The following CDH18 variants were observed in gnomAD, a reference collection of about 807,000 sequenced individuals.
CDH18 encodes cadherin 18, also known as cadherin-18.
In CDH18, 31 loss-of-function variants were observed where a neutral mutation model predicts 67.9. The ratio of observed to expected loss-of-function variants is 0.46; its 90% CI spans 0.34 to 0.62. CDH18 has a LOEUF of 0.62. Ranked by LOEUF, CDH18 falls within the 20% of genes least tolerant of loss-of-function variation. CDH18 has a pLI of 0.01. For missense variants in CDH18, 890 were observed against 975.5 expected (o/e 0.91, Z 1.17); for synonymous variants, 362 against 347.2 (o/e 1.04, Z -0.48).
At chr5:20,179,573 G>A (rs1737518314) in intron 2 of CDH18, among the ~76,000 whole-genome samples, 1 of 152,100 alleles carries the variant, frequency 6.6e-6, no homozygotes, top group African/African-American at 2.4e-5. Context: ...CTTGAAACAG[G>A]GACTGATATA....
intron 2 of CDH18, among the ~76,000 whole-genome samples, chr5:19,913,738 C>G (rs1192591993): frequency 6.6e-6 from 1 of 152,098 alleles, no homozygotes; most frequent in Non-Finnish European, 1.5e-5. Flanking sequence ...GCCCAGAAGT[C>G]TGAAACTCTA....
At chr5:20,056,075 G>A (rs1444329619) in intron 2 of CDH18, among the ~76,000 whole-genome samples, 1 of 138,560 alleles carries the variant, frequency 7.2e-6, no homozygotes, top group African/African-American at 2.7e-5. Context: ...CACCATCTTG[G>A]CTCACTATAA....
At chr5:19,477,385 T>C (rs1738654418) in intron 12 of CDH18, among the ~76,000 whole-genome samples, 1 of 151,390 alleles carries the variant, frequency 6.6e-6, no homozygotes, top group Non-Finnish European at 1.5e-5. Flanking sequence ...CATAAACAAT[T>C]ATCATGTGGA....
intron 1 of CDH18, among the ~76,000 whole-genome samples, chr5:20,540,491 G>A (rs1756994233): frequency 6.6e-6 from 1 of 152,134 alleles, no homozygotes; most frequent in Non-Finnish European, 1.5e-5. Flanking sequence ...TATATATGAT[G>A]TAATAAAACT....
intron 3 of CDH18, among the ~76,000 whole-genome samples, chr5:19,792,023 C>A (rs1209619331): frequency 1.3e-5 from 2 of 152,004 alleles, no homozygotes; most frequent in Non-Finnish European, 2.9e-5. Flanking sequence ...AAGCAGTAAC[C>A]TGTTAGGTTT....
At chr5:19,955,547 C>T (rs1335660300) in intron 2 of CDH18, among the ~76,000 whole-genome samples, 1 of 151,948 alleles carries the variant, frequency 6.6e-6, no homozygotes, top group Admixed American at 6.6e-5. Flanking sequence ...ATTAAGAGGA[C>T]AGTTAAAAGA....
chr5:20,270,170 A>G (rs1034435798), intron 1 of CDH18, among the ~76,000 whole-genome samples: 1 of 152,070 alleles, frequency 6.6e-6, no homozygotes, highest in African/African-American at 2.4e-5. Context: ...AAAAAAAAAG[A>G]ATAAAGACAT....
At chr5:20,541,331 T>C (rs916187351) in intron 1 of CDH18, among the ~76,000 whole-genome samples, 1 of 152,158 alleles carries the variant, frequency 6.6e-6, no homozygotes, top group Non-Finnish European at 1.5e-5. Context: ...GCCTTAGACA[T>C]TAAACTATGT....
chr5:19,683,562 T>C (rs1760640424), intron 5 of CDH18, among the ~76,000 whole-genome samples: 1 of 152,092 alleles, frequency 6.6e-6, no homozygotes, highest in African/African-American at 2.4e-5. Context: ...TCAACCTTAC[T>C]TGTTTTGTGA....
At chr5:20,276,131 G>A (rs151117258) in intron 1 of CDH18, among the ~76,000 whole-genome samples, 1 of 152,288 alleles carries the variant, frequency 6.6e-6, no homozygotes, top group East Asian at 1.9e-4. Context: ...AATTCATGGG[G>A]CAAATCCTGC....
chr5:19,587,594 T>G (rs768356788), intron 7 of CDH18, among the ~76,000 whole-genome samples: 2 of 152,048 alleles, frequency 1.3e-5, no homozygotes, highest in Admixed American at 6.6e-5. Context: ...AAAGATCAGA[T>G]AGTGGTAAGT....
intron 1 of CDH18, among the ~76,000 whole-genome samples, chr5:20,344,233 A>G (rs1740518896): frequency 6.6e-6 from 1 of 152,116 alleles, no homozygotes; most frequent in Non-Finnish European, 1.5e-5. Context: ...TCAGGTGAAA[A>G]TCTGCTAAAT....
chr5:19,814,284 T>C (rs543711687), intron 3 of CDH18, among the ~76,000 whole-genome samples: 36 of 152,112 alleles, frequency 2.4e-4, no homozygotes, highest in Non-Finnish European at 4.9e-4. Context: ...TAACGAATAT[T>C]ACTCCCACAC....
At chr5:20,474,374 C>G (rs994267931) in intron 1 of CDH18, among the ~76,000 whole-genome samples, 1 of 152,174 alleles carries the variant, frequency 6.6e-6, no homozygotes, top group Non-Finnish European at 1.5e-5. Context: ...GCTCCAATCA[C>G]TTCCTCTAAG....
At chr5:20,192,013 A>G (rs1274193728) in intron 2 of CDH18, among the ~76,000 whole-genome samples, 1 of 152,114 alleles carries the variant, frequency 6.6e-6, no homozygotes, top group African/African-American at 2.4e-5. Flanking sequence ...CAGCCTCATC[A>G]GCACCTATGG....
intron 2 of CDH18, among the ~76,000 whole-genome samples, chr5:20,147,953 G>C (rs1750788980): frequency 6.6e-6 from 1 of 152,106 alleles, no homozygotes; most frequent in Non-Finnish European, 1.5e-5. Context: ...GAATAGTTCA[G>C]ACTAAAGTGG....
chr5:19,682,874 G>A (rs943059794), intron 5 of CDH18, among the ~76,000 whole-genome samples: 26 of 152,038 alleles, frequency 1.7e-4, no homozygotes, highest in African/African-American at 5.8e-4. Context: ...TGAAAGGATC[G>A]TAATTATATA....
At chr5:19,554,071 TA>T (rs1580175156) in intron 8 of CDH18, among the ~76,000 whole-genome samples, 1 of 151,892 alleles carries the variant, frequency 6.6e-6, no homozygotes, top group Non-Finnish European at 1.5e-5. Flanking sequence ...ATAATCTTTC[TA>T]AAAAAAAGAA....
chr5:19,913,593 T>C (rs1308705250), intron 2 of CDH18, among the ~76,000 whole-genome samples: 8 of 152,068 alleles, frequency 5.3e-5, no homozygotes, highest in African/African-American at 1.9e-4. Flanking sequence ...AGTTCAAGAA[T>C]ATATCACGAG....
Sources: gnomAD v4.1 joint callset for allele counts (sites outside exome capture counted in the v4.1 genomes callset) on GRCh38, gnomAD v4.1.1 for gene constraint, MANE v1.5 for transcripts, NCBI Gene and HGNC (gene_info 2026-07-23, HGNC 2026-07-21) for gene names.